The following VPS13B variants were observed in gnomAD, a reference collection of about 807,000 sequenced individuals.
VPS13B encodes the protein intermembrane lipid transfer protein VPS13B.
Under a neutral mutation model 426.4 loss-of-function variants are expected in VPS13B, and 285 were observed. That is an observed-to-expected ratio of 0.67 (90% CI 0.61 to 0.74). The LOEUF (loss-of-function observed/expected upper bound fraction) is 0.74, where lower values mean the gene tolerates loss of function less well. Ranked by LOEUF, VPS13B falls within the 30% of genes least tolerant of loss-of-function variation. VPS13B has a pLI of 0.00. For synonymous variants in VPS13B, 1,676 were observed against 1,676.4 expected, an observed-to-expected ratio of 1.00 and a Z score of 0.01; for missense variants, 4,537 against 4,782.6, an observed-to-expected ratio of 0.95 and a Z score of 1.51.
At chr8:99,244,546 A>G (rs996808269) in intron 17 of VPS13B, among the ~76,000 whole-genome samples, 16 of 152,256 alleles carry the variant, frequency 1.1e-4, no homozygotes, top group African/African-American at 9.6e-5. Context: ...AAAAATTCGT[A>G]TGGAGAAAAA....
intron 29 of VPS13B, among the ~76,000 whole-genome samples, chr8:99,515,333 TTCCAGAC>T (rs1821999152): frequency 6.6e-6 from 1 of 152,168 alleles, no homozygotes. Context: ...GCAGAAATAT[TTCCAGAC>T]TTCTGCCATC....
intron 38 of VPS13B, 97 bp from the exon 39 acceptor site, chr8:99,720,766 T>C: frequency 1.6e-6 from 2 of 1,277,840 alleles, no homozygotes; most frequent in South Asian, 1.3e-5. Context: ...CTAGCTTCTT[T>C]ATATCTTTTA....
chr8:99,138,986 A>G (rs1458975888), intron 12 of VPS13B, among the ~76,000 whole-genome samples: 1 of 152,230 alleles, frequency 6.6e-6, no homozygotes, highest in Non-Finnish European at 1.5e-5. Flanking sequence ...TTTATATATT[A>G]CTTCTGAGAA....
intron 3 of VPS13B, among the ~76,000 whole-genome samples, chr8:99,073,383 G>C (rs1257794155): frequency 6.6e-6 from 1 of 152,016 alleles, no homozygotes; most frequent in Admixed American, 6.5e-5. Context: ...CTTTTCATTT[G>C]TATCCTTTTC....
At chr8:99,191,800 G>C (rs1254121332) in intron 16 of VPS13B, among the ~76,000 whole-genome samples, 1 of 152,120 alleles carries the variant, frequency 6.6e-6, no homozygotes, top group East Asian at 1.9e-4. Flanking sequence ...CTGCATATAT[G>C]ATTGCAAAGT....
chr8:99,472,100 T>G (rs1052796595), intron 24 of VPS13B, among the ~76,000 whole-genome samples: 13 of 152,180 alleles, frequency 8.5e-5, no homozygotes, highest in African/African-American at 3.1e-4. Context: ...TAGAGTGACA[T>G]GAAACAAAAA....
At chr8:99,101,564 G>A (rs1244272146) in intron 4 of VPS13B, among the ~76,000 whole-genome samples, 2 of 152,160 alleles carry the variant, frequency 1.3e-5, no homozygotes, top group African/African-American at 4.8e-5. Flanking sequence ...ATCTACTCAT[G>A]GAAGAGTAAT....
chr8:99,304,898 A>G (rs1220126887), intron 19 of VPS13B, among the ~76,000 whole-genome samples: 1 of 152,070 alleles, frequency 6.6e-6, no homozygotes, highest in Non-Finnish European at 1.5e-5. Context: ...TTTCTGTATA[A>G]AGTTCAGACT....
intron 19 of VPS13B, among the ~76,000 whole-genome samples, chr8:99,281,337 G>A (rs1159828643): frequency 6.6e-6 from 1 of 152,184 alleles, no homozygotes; most frequent in Non-Finnish European, 1.5e-5. Flanking sequence ...ACCGCTGATC[G>A]ATAGGTCTTT....
Position 99,557,693 on chromosome 8 carries a change from A to G in VPS13B, c.4949+1040A>G, listed in dbSNP as rs1040252966. On this transcript the variant is annotated intron_variant, in intron 31 of 61. Coordinates refer to ENST00000357162, the MANE Select transcript of VPS13B (RefSeq NM_152564.5). Reference sequence around the variant, plus strand: ...GACTGCTGGATTGAATGGTAGTTCTACTTTTAGTTCTTTAAGAAATCTCGT... The same window carrying G: ...GACTGCTGGATTGAATGGTAGTTCTGCTTTTAGTTCTTTAAGAAATCTCGT... Among the ~76,000 whole-genome samples, 3 of 152,120 alleles carry G rather than the reference A, an allele frequency of 2.0e-5. No homozygotes were observed. The South Asian group carries it at 6.2e-4, about 31-fold the overall frequency.
At position 99,823,892 on chromosome 8, in the gene VPS13B, G is replaced by A. The variant is rs759016590; in HGVS notation, c.9244G>A (p.Asp3082Asn). 1 of 1,613,492 alleles carries A rather than the reference G, an allele frequency of 6.2e-7. No homozygotes were observed. Among genetic ancestry groups the A allele is most frequent in the Non-Finnish European group, 8.5e-7 (1 of 1,179,746 alleles). Residue 3082 changes from aspartate to asparagine, a missense_variant, in exon 51 of 62, where the codon GAC becomes AAC. Transcript: ENST00000357162. ...QQGIQIIQIE[D>N]KTTIINNTPY... is the part of the protein sequence containing the mutation. Reference sequence around the variant, plus strand: ...AGGTATACAAATTATTCAGATTGAAGACAAGACTACAATAATCAATAATAC... The same window carrying A: ...AGGTATACAAATTATTCAGATTGAAAACAAGACTACAATAATCAATAATAC...
Position 99,437,412 on chromosome 8 carries a change from A to T in VPS13B, c.3211-4989A>T, listed in dbSNP as rs201396456. Among the ~76,000 whole-genome samples the T allele has an allele frequency of 5.0e-3, 762 of 151,030 alleles. 6 individuals are homozygous for T. Among genetic ancestry groups the T allele is most frequent in the East Asian group, 0.016 (83 of 5,144 alleles). On this transcript the variant is annotated intron_variant, in intron 22 of 61. Coordinates refer to ENST00000357162, the MANE Select transcript of VPS13B (RefSeq NM_152564.5). ...TGGACAGTCTTTTTTTTTAAAAAAA[A>T]ATATATATATATATGAACTTTGGGG...
chr8:99,219,078 AT>A (rs958963158), intron 17 of VPS13B, among the ~76,000 whole-genome samples: 4 of 151,914 alleles, frequency 2.6e-5, no homozygotes, highest in Admixed American at 6.6e-5. Flanking sequence ...ATCAGCAATG[AT>A]TTTTTTTCTA....
At chr8:99,557,426 A>T (rs1038987134) in intron 31 of VPS13B, among the ~76,000 whole-genome samples, 3 of 151,900 alleles carry the variant, frequency 2.0e-5, no homozygotes, top group Non-Finnish European at 4.4e-5. Flanking sequence ...TACTTCCCTT[A>T]GAATAATGGC....
chr8:99,522,645 G>A (rs1822430055), intron 30 of VPS13B, among the ~76,000 whole-genome samples: 3 of 152,000 alleles, frequency 2.0e-5, no homozygotes, highest in Non-Finnish European at 4.4e-5. Flanking sequence ...TGAATTCTAA[G>A]CATGTAGGGT....
chr8:99,296,080 A>G (rs1351340946), intron 19 of VPS13B, among the ~76,000 whole-genome samples: 1 of 152,148 alleles, frequency 6.6e-6, no homozygotes, highest in Non-Finnish European at 1.5e-5. Context: ...TTGACTGCAT[A>G]TGGCTTTTGC....
chr8:99,670,874 G>C (rs2510201), intron 35 of VPS13B, among the ~76,000 whole-genome samples: 20,720 of 152,012 alleles, frequency 0.14, 1,962 homozygotes, highest in East Asian at 0.39. Flanking sequence ...TTCATCCTCT[G>C]TTCATCCACT....
intron 33 of VPS13B, among the ~76,000 whole-genome samples, chr8:99,630,397 C>G (rs192510924): frequency 2.6e-5 from 4 of 152,074 alleles, no homozygotes; most frequent in Non-Finnish European, 4.4e-5. Flanking sequence ...ACTGCCATTT[C>G]AACAAGTCCA....
chr8:99,727,453 A>G (rs1246529752), intron 39 of VPS13B, among the ~76,000 whole-genome samples: 1 of 152,218 alleles, frequency 6.6e-6, no homozygotes, highest in Non-Finnish European at 1.5e-5. Flanking sequence ...TTACAAAAGA[A>G]AGAGGTTTAT....
Sources: allele counts gnomAD v4.1 joint callset (sites outside exome capture counted in the v4.1 genomes callset), GRCh38; gene constraint gnomAD v4.1.1; transcripts MANE v1.5; gene names NCBI Gene and HGNC (gene_info 2026-07-23, HGNC 2026-07-21).